Variants in QKI observed in about 807,000 individuals in gnomAD.
The protein encoded by QKI is QKI, KH domain containing RNA binding.
A neutral mutation model predicts 39.0 loss-of-function variants in QKI; 10 were observed. The observed-to-expected ratio is 0.26, with a 90% CI of 0.16 to 0.43. The LOEUF (loss-of-function observed/expected upper bound fraction) is 0.43. QKI is among the 20% of genes least tolerant of loss of function. The probability of loss-of-function intolerance (pLI) is 1.00; values close to 1 mark genes in which losing one functional copy is unlikely to be tolerated. For missense variants in QKI, 218 were observed against 428.0 expected, an observed-to-expected ratio of 0.51 and a Z score of 4.33; for synonymous variants, 204 against 155.4, an observed-to-expected ratio of 1.31 and a Z score of -2.33.
intron 3 of QKI, among the ~76,000 whole-genome samples, chr6:163,512,866 T>A (rs1225576832): frequency 6.6e-6 from 1 of 152,042 alleles, no homozygotes; most frequent in Non-Finnish European, 1.5e-5. Flanking sequence ...ATGTTTTAAC[T>A]TAAGCATCTG....
Position 163,552,768 on chromosome 6 carries a change from C to T in QKI, c.547-9214C>T, listed in dbSNP as rs567754584. ...TAGGCCTTTTCATTTGGTCTTCCAC[C>T]GCAGCCTGTGCAAACTCCCATCATA... On this transcript the variant is annotated intron_variant, in intron 4 of 7. Transcript: ENST00000361752. 1.1e-4 allele frequency among the ~76,000 whole-genome samples: 17 copies of T among 152,232 alleles called. No individual in the cohort carries two copies. The East Asian group carries it at 1.5e-3, about 14-fold the overall frequency.
chr6:163,564,787 A>T (rs1783252746), intron 6 of QKI: 83 of 1,605,754 alleles, frequency 5.2e-5, no homozygotes, highest in Non-Finnish European at 7.1e-5. Context: ...TTTCTGTGCA[A>T]CCCCTTTGTT....
intron 3 of QKI, among the ~76,000 whole-genome samples, chr6:163,502,289 C>G (rs1485035141): frequency 1.7e-5 from 2 of 114,480 alleles, no homozygotes; most frequent in Non-Finnish European, 3.6e-5. Flanking sequence ...CACCACTGCA[C>G]TCCAACCTGG....
At chr6:163,569,119 G>C in intron 7 of QKI, 1 of 934,826 alleles carries the variant, frequency 1.1e-6, no homozygotes, top group Non-Finnish European at 1.3e-6. Context: ...GAATACCTGT[G>C]AAGTAGTATG....
Position 163,415,015 on chromosome 6 carries a change from G to C in QKI, c.-179G>C. 2 of 516,182 alleles carry C rather than the reference G, an allele frequency of 3.9e-6. No individual in the cohort carries two copies. The highest frequency in any genetic ancestry group is 4.9e-6 in the Non-Finnish European group (2 of 404,186). 32.0% of individuals were successfully genotyped at this position (516,182 alleles called of 1,614,324 possible). ...CCCGGGCGGAAAGTGCCTGCGGGGG[G>C]CGGGCGAGCGCGCGGTGCCGGCCGC... On this transcript the variant is annotated 5_prime_UTR_variant, in exon 1 of 8. Coordinates refer to ENST00000361752, the MANE Select transcript of QKI (RefSeq NM_006775.3).
intron 3 of QKI, among the ~76,000 whole-genome samples, chr6:163,484,031 G>T (rs1416661916): frequency 6.6e-6 from 1 of 152,166 alleles, no homozygotes; most frequent in African/African-American, 2.4e-5. Flanking sequence ...CTCTACCAGA[G>T]ATTTTGGGTT....
rs1177666369 is a variant in QKI at position 163,576,785 on chromosome 6, T to G, written c.*6075T>G. On this transcript the variant is annotated 3_prime_UTR_variant, in exon 8 of 8. Coordinates refer to ENST00000361752, the MANE Select transcript of QKI (RefSeq NM_006775.3). ...GAATAAAGAACGCACACTTTCAATT[T>G]TATTGAGGCTTTCAACACTATTTAA... 6.6e-6 allele frequency: 1 copy of G among 152,134 alleles called. No homozygotes were observed. The highest frequency in any genetic ancestry group is 1.5e-5 in the Non-Finnish European group (1 of 68,022). 9.4% of individuals were successfully genotyped at this position (152,134 alleles called of 1,614,324 possible).
chr6:163,456,433 A>G (rs1790919114), intron 2 of QKI, among the ~76,000 whole-genome samples: 1 of 152,212 alleles, frequency 6.6e-6, no homozygotes, highest in South Asian at 2.1e-4. Flanking sequence ...AACCAAGAAA[A>G]GATGATGGCT....
In QKI at chr6:163,485,571, G is replaced by A. The variant is rs73784420; in HGVS notation, c.402+6675G>A. Among the ~76,000 whole-genome samples the A allele has an allele frequency of 3.4e-3, 517 of 152,052 alleles. 4 individuals are homozygous for A. Among genetic ancestry groups the A allele is most frequent in the African/African-American group, 0.012 (487 of 41,342 alleles). ...TCTGCAATTTGTCAGCTCTTCTGAG[G>A]TCTCCCTTCTCATAAACAAGAGGAG... On this transcript the variant is annotated intron_variant, in intron 3 of 7. Transcript: ENST00000361752.
At chr6:163,486,244 A>T (rs544076462) in intron 3 of QKI, among the ~76,000 whole-genome samples, 44 of 152,240 alleles carry the variant, frequency 2.9e-4, no homozygotes, top group Admixed American at 4.6e-4. Flanking sequence ...ATTCAAATTC[A>T]GTTGTACAAA....
At chr6:163,504,788 GC>G (rs1162602862) in intron 3 of QKI, among the ~76,000 whole-genome samples, 2 of 152,116 alleles carry the variant, frequency 1.3e-5, no homozygotes, top group African/African-American at 4.8e-5. Flanking sequence ...CATATTGTTA[GC>G]AAAGAGAGAT....
chr6:163,443,265 T>A (rs1789889684), intron 1 of QKI, among the ~76,000 whole-genome samples: 1 of 152,238 alleles, frequency 6.6e-6, no homozygotes, highest in East Asian at 1.9e-4. Flanking sequence ...AGTAGATTGT[T>A]TCTTAAGCCT....
intron 2 of QKI, among the ~76,000 whole-genome samples, chr6:163,462,448 T>A (rs1264722172): frequency 1.3e-5 from 2 of 152,188 alleles, no homozygotes; most frequent in Non-Finnish European, 2.9e-5. Context: ...TGGTATAATA[T>A]TTTCTTTATT....
intron 1 of QKI, among the ~76,000 whole-genome samples, 169 bp downstream of exon 1, chr6:163,415,504 C>G (rs1378796471): frequency 2.7e-5 from 4 of 148,696 alleles, no homozygotes; most frequent in African/African-American, 9.8e-5. Flanking sequence ...GGGCTTGCGG[C>G]GGGCGGGCGG....
chr6:163,551,343 C>G (rs139990198), intron 4 of QKI, among the ~76,000 whole-genome samples: 15 of 152,280 alleles, frequency 9.9e-5, no homozygotes, highest in East Asian at 5.8e-4. Context: ...GTTGAGGGCT[C>G]CAGTTCCACA....
chr6:163,437,390 T>C (rs1345332857), intron 1 of QKI, among the ~76,000 whole-genome samples: 1 of 152,238 alleles, frequency 6.6e-6, no homozygotes, highest in African/African-American at 2.4e-5. Context: ...TATAATTAGC[T>C]GAATATAATT....
At chr6:163,423,486 C>T (rs907460654) in intron 1 of QKI, 1 of 152,258 alleles carries the variant, frequency 6.6e-6, no homozygotes, top group Non-Finnish European at 1.5e-5. Context: ...TCACTTCTGC[C>T]CTCTGTTCCA....
At chr6:163,436,789 CAAAAAAAA>C (rs60899517) in intron 1 of QKI, among the ~76,000 whole-genome samples, 20 of 89,424 alleles carry the variant, frequency 2.2e-4, no homozygotes, top group African/African-American at 8.0e-4. Flanking sequence ...GACTCCGTCT[CAAAAAAAA>C]AAAAAAAAAA....
intron 3 of QKI, among the ~76,000 whole-genome samples, chr6:163,499,824 A>C (rs1028602131): frequency 6.6e-6 from 1 of 152,154 alleles, no homozygotes; most frequent in African/African-American, 2.4e-5. Flanking sequence ...TCTTGCTCTC[A>C]TGGAGCATAA....
Sources: allele counts gnomAD v4.1 joint callset (sites outside exome capture counted in the v4.1 genomes callset), GRCh38; gene constraint gnomAD v4.1.1; transcripts MANE v1.5; gene names NCBI Gene and HGNC (gene_info 2026-07-23, HGNC 2026-07-21).